RGS5: variants seen among roughly 807,000 people sequenced by gnomAD.
RGS5 encodes regulator of G-protein signalling 5.
A neutral mutation model predicts 18.9 loss-of-function variants in RGS5; 20 were observed. The ratio of observed to expected loss-of-function variants is 1.06; its 90% CI spans 0.74 to 1.54. The LOEUF is 1.54. Ranked by LOEUF, RGS5 falls within the 40% of genes most tolerant of loss-of-function variation. The pLI is 0.00. For missense variants in RGS5, 201 were observed against 211.8 expected, an observed-to-expected ratio of 0.95 and a Z score of 0.32; for synonymous variants, 57 against 76.2, an observed-to-expected ratio of 0.75 and a Z score of 1.31.
intron 2 of RGS5, chr1:163,248,680 T>G (rs554875782): frequency 6.6e-6 from 1 of 152,282 alleles, no homozygotes; most frequent in Admixed American, 6.5e-5. Flanking sequence ...GCTAATAACT[T>G]GTCTTCTCCT....
At chr1:163,317,135 C>A (rs1482589129) in intron 1 of RGS5, among the ~76,000 whole-genome samples, 1 of 152,126 alleles carries the variant, frequency 6.6e-6, no homozygotes, top group African/African-American at 2.4e-5. Flanking sequence ...GTTTCACAGG[C>A]ATGTTGAGCT....
chr1:163,315,556 T>C (rs1342478978), intron 1 of RGS5, among the ~76,000 whole-genome samples: 1 of 152,340 alleles, frequency 6.6e-6, no homozygotes, highest in East Asian at 1.9e-4. Context: ...TAGAGTTTAA[T>C]ATAGCAACTT....
intron 1 of RGS5, among the ~76,000 whole-genome samples, chr1:163,208,664 G>T (rs905117883): frequency 6.6e-6 from 1 of 151,368 alleles, no homozygotes; most frequent in Non-Finnish European, 1.5e-5. Context: ...CAGCAAGAAC[G>T]CAAGAGAAGT....
At chr1:163,152,487 A>C (rs1657411282) in intron 4 of RGS5, 63 bp downstream of exon 4, 1 of 1,505,118 alleles carries the variant, frequency 6.6e-7, no homozygotes, top group Non-Finnish European at 8.9e-7. Flanking sequence ...TGTGTCTCAG[A>C]TGTAAATCCT....
At chr1:163,259,318 ATTTTT>A (rs147396685) in intron 2 of RGS5, among the ~76,000 whole-genome samples, 12 of 146,840 alleles carry the variant, frequency 8.2e-5, no homozygotes, top group South Asian at 6.5e-4. Context: ...TGCCCGGCTA[ATTTTT>A]TTTTTTTTAT....
intron 2 of RGS5, among the ~76,000 whole-genome samples, chr1:163,231,253 G>A (rs999646289): frequency 2.6e-5 from 4 of 152,096 alleles, no homozygotes; most frequent in Non-Finnish European, 4.4e-5. Flanking sequence ...TAATAATCCT[G>A]TGCATTTGCA....
chr1:163,224,132 T>G (rs1647283943), intron 2 of RGS5, among the ~76,000 whole-genome samples: 1 of 152,124 alleles, frequency 6.6e-6, no homozygotes, highest in East Asian at 1.9e-4. Flanking sequence ...ATAGTCACCC[T>G]ACTGTGCAAT....
intron 1 of RGS5, among the ~76,000 whole-genome samples, chr1:163,199,544 C>T (rs1205943819): frequency 6.6e-6 from 1 of 151,928 alleles, no homozygotes; most frequent in Non-Finnish European, 1.5e-5. Context: ...ACCCTTTAAT[C>T]TTATGGAAAA....
rs530551889 is a variant in RGS5, at chr1:163,186,226, AC to A, written c.44+16565del. Among the ~76,000 whole-genome samples the A allele has an allele frequency of 6.0e-3, 910 of 151,900 alleles. 9 individuals are homozygous for A. The highest frequency in any genetic ancestry group is 0.021 in the African/African-American group (854 of 41,390). ...GCTGGGATTACAGGTGCCCACCACC[AC>A]GCCTGGCTAATTTTTGTATTTTTAG... On this transcript the variant is annotated intron_variant, in intron 1 of 4. Transcript: ENST00000313961.
chr1:163,244,142 A>G (rs1647870731), intron 2 of RGS5, among the ~76,000 whole-genome samples: 1 of 152,220 alleles, frequency 6.6e-6, no homozygotes, highest in African/African-American at 2.4e-5. Context: ...CTTCAAGTCA[A>G]TGAGTAATTT....
intron 3 of RGS5, among the ~76,000 whole-genome samples, chr1:163,155,314 A>G (rs908089462): frequency 3.3e-5 from 5 of 152,210 alleles, no homozygotes; most frequent in African/African-American, 1.2e-4. Flanking sequence ...ACATTTACTG[A>G]CTTTCCAGGG....
chr1:163,191,987 C>T (rs955588188), intron 1 of RGS5, among the ~76,000 whole-genome samples: 1 of 152,092 alleles, frequency 6.6e-6, no homozygotes, highest in Non-Finnish European at 1.5e-5. Context: ...CATCAAGGGG[C>T]TAGGAGGGTG....
chr1:163,168,413 T>C lies in RGS5; in HGVS notation c.45-45A>G, dbSNP rs563004109. On this transcript the variant is annotated intron_variant, in intron 1 of 4. Transcript: ENST00000313961. ...GGGAAATGAGGACACCACATGTGCA[T>C]ACAGATTTTAAGAAGAGATTTCTTC... The C allele has an allele frequency of 2.7e-5, 36 of 1,337,022 alleles. No homozygotes were observed. The South Asian group carries it at 3.4e-4, about 13-fold the overall frequency. 82.8% of individuals were successfully genotyped at this position (1,337,022 alleles called of 1,614,324 possible). A position where few individuals can be genotyped will look rare whatever the true frequency, so the allele number is the denominator to read the frequency against.
At chr1:163,184,324 AGG>A (rs1204899249) in intron 1 of RGS5, among the ~76,000 whole-genome samples, 1 of 151,998 alleles carries the variant, frequency 6.6e-6, no homozygotes, top group East Asian at 1.9e-4. Flanking sequence ...CACACCACCA[AGG>A]GAAACAAAAA....
intron 2 of RGS5, among the ~76,000 whole-genome samples, chr1:163,303,643 GTTTTTCTGGTATACAATC>G (rs1649621499): frequency 6.6e-6 from 1 of 152,162 alleles, no homozygotes. Context: ...ATCAGTCCTT[GTTTTTCTGGTATACAATC>G]AGGGGTTCCC....
At chr1:163,233,630 G>T (rs1219214966) in intron 2 of RGS5, among the ~76,000 whole-genome samples, 1 of 152,202 alleles carries the variant, frequency 6.6e-6, no homozygotes, top group Non-Finnish European at 1.5e-5. Context: ...AGTCAGCAAA[G>T]GGTAGTGGGA....
At chr1:163,239,282 C>G (rs1647719936) in intron 2 of RGS5, 1 of 151,572 alleles carries the variant, frequency 6.6e-6, no homozygotes, top group Non-Finnish European at 1.5e-5. Flanking sequence ...TCGAGACCAG[C>G]CTGGGCAACA....
chr1:163,162,944 T>G (rs940779913), intron 2 of RGS5: 3 of 151,780 alleles, frequency 2.0e-5, no homozygotes, highest in Admixed American at 6.6e-5. Context: ...GGCCAGTTTT[T>G]CCTAAACTGG....
At chr1:163,147,745 C>T (rs981250300) in intron 4 of RGS5, among the ~76,000 whole-genome samples, 1 of 151,988 alleles carries the variant, frequency 6.6e-6, no homozygotes, top group Non-Finnish European at 1.5e-5. Flanking sequence ...CTAACACACA[C>T]ATTACTTATT....
Sources: gnomAD v4.1 joint callset for allele counts (sites outside exome capture counted in the v4.1 genomes callset) on GRCh38, gnomAD v4.1.1 for gene constraint, MANE v1.5 for transcripts, NCBI Gene and HGNC (gene_info 2026-07-23, HGNC 2026-07-21) for gene names.